FAT3: variants seen among roughly 807,000 people sequenced by gnomAD.
FAT3 encodes FAT atypical cadherin 3.
FAT3 carries 95 observed loss-of-function variants against 310.2 expected under a neutral mutation model. The observed-to-expected ratio is 0.31, with a 90% CI of 0.26 to 0.36. The LOEUF (loss-of-function observed/expected upper bound fraction) is 0.36. Ranked by LOEUF, FAT3 falls within the 10% of genes least tolerant of loss-of-function variation. The pLI, the probability that FAT3 is intolerant of heterozygous loss-of-function variation, is 1.00. For missense variants in FAT3, 5,408 were observed against 5,715.6 expected (o/e 0.95, Z 1.74); for synonymous variants, 2,314 against 2,192.9 (o/e 1.06, Z -1.54).
chr11:92,549,608 G>C (rs1010472189), intron 3 of FAT3, among the ~76,000 whole-genome samples: 2 of 152,104 alleles, frequency 1.3e-5, no homozygotes, highest in Middle Eastern at 3.4e-3. Flanking sequence ...CTTATATCTT[G>C]GTTTATCTTT....
chr11:92,743,549 G>A (rs111333019), intron 4 of FAT3, among the ~76,000 whole-genome samples: 38 of 152,306 alleles, frequency 2.5e-4, no homozygotes, highest in African/African-American at 9.1e-4. Flanking sequence ...CCCTATGCAG[G>A]GACACCTGGC....
At chr11:92,797,277 TA>T (rs1947201614) in intron 9 of FAT3, among the ~76,000 whole-genome samples, 1 of 152,204 alleles carries the variant, frequency 6.6e-6, no homozygotes, top group Non-Finnish European at 1.5e-5. Context: ...GTGTTTTGGA[TA>T]AAGTCATTTT....
chr11:92,871,193 G>A (rs372737829), intron 22 of FAT3, among the ~76,000 whole-genome samples: 17 of 152,272 alleles, frequency 1.1e-4, no homozygotes, highest in African/African-American at 3.9e-4. Flanking sequence ...GTGTGTAGTG[G>A]TATTGGTTTA....
intron 3 of FAT3, among the ~76,000 whole-genome samples, chr11:92,530,205 A>C (rs1046697581): frequency 6.6e-6 from 1 of 152,174 alleles, no homozygotes. Flanking sequence ...TCCAGACCAC[A>C]CTTCAACCTG....
At chr11:92,426,460 T>C (rs1950635852) in intron 2 of FAT3, among the ~76,000 whole-genome samples, 1 of 152,214 alleles carries the variant, frequency 6.6e-6, no homozygotes, top group Admixed American at 6.5e-5. Flanking sequence ...CATGCCTATG[T>C]CCTGAAAGGT....
intron 3 of FAT3, among the ~76,000 whole-genome samples, chr11:92,573,718 G>A (rs1003889643): frequency 6.6e-6 from 1 of 152,064 alleles, no homozygotes; most frequent in Admixed American, 6.6e-5. Context: ...AGAATTCCAA[G>A]GGTAGCCAGC....
chr11:92,846,974 T>C (rs1419549326), intron 19 of FAT3, among the ~76,000 whole-genome samples: 1 of 152,224 alleles, frequency 6.6e-6, no homozygotes, highest in African/African-American at 2.4e-5. Flanking sequence ...GTTTTATAGA[T>C]GTGGTAGCTT....
chr11:92,821,138 A>G (rs1947958511), intron 13 of FAT3, among the ~76,000 whole-genome samples: 1 of 152,164 alleles, frequency 6.6e-6, no homozygotes, highest in South Asian at 2.1e-4. Flanking sequence ...ATGCCATCCT[A>G]TTAGATCTTA....
At chr11:92,249,599 T>C (rs1865057335) in intron 1 of FAT3, among the ~76,000 whole-genome samples, 1 of 152,080 alleles carries the variant, frequency 6.6e-6, no homozygotes. Context: ...GTGCGTAGAC[T>C]TGAGAGTGCT....
At chr11:92,381,294 G>C (rs1393566667) in intron 2 of FAT3, among the ~76,000 whole-genome samples, 3 of 152,158 alleles carry the variant, frequency 2.0e-5, no homozygotes, top group African/African-American at 7.2e-5. Context: ...TGGATCACTT[G>C]AGGTCGGTCA....
chr11:92,273,205 T>C (rs1216468543), intron 1 of FAT3, among the ~76,000 whole-genome samples: 1 of 152,168 alleles, frequency 6.6e-6, no homozygotes. Context: ...TTATCTCATG[T>C]ATTTTATAAA....
In FAT3 at chr11:92,774,099, A is replaced by C; in HGVS notation, c.4254A>C (p.Ala1418=). ...AGGGTGTTGGGACAATTGTCATCGCAAAACCTTTGGATGCAGAGCAGAGGT... is the reference window on the plus strand; with the variant it reads ...AGGGTGTTGGGACAATTGTCATCGCCAAACCTTTGGATGCAGAGCAGAGGT... The part of the protein sequence containing the change: ...AEKGVGTIVI[A]KPLDAEQRSI... The change falls in exon 7 of 28, where the codon GCA becomes GCC. Residue 1418 remains alanine, a synonymous_variant. Coordinates refer to ENST00000525166, the MANE Select transcript of FAT3 (RefSeq NM_001367949.2). The C allele has an allele frequency of 6.2e-7, 1 of 1,613,800 alleles. No homozygotes were observed.
At chr11:92,391,129 G>A (rs181047376) in intron 2 of FAT3, among the ~76,000 whole-genome samples, 2 of 152,308 alleles carry the variant, frequency 1.3e-5, no homozygotes, top group Admixed American at 6.5e-5. Flanking sequence ...CTGAGAAGAG[G>A]TAGAAGTCAG....
intron 7 of FAT3, among the ~76,000 whole-genome samples, chr11:92,779,688 T>C (rs187689800): frequency 1.1e-3 from 165 of 152,318 alleles, no homozygotes; most frequent in Non-Finnish European, 6.9e-4. Flanking sequence ...GATTTGTGAA[T>C]ATGTTATGTT....
At position 92,805,716 on chromosome 11, in the gene FAT3, T is replaced by C. The variant is rs1001975556; in HGVS notation, c.9093+367T>C. On this transcript the variant is annotated intron_variant, in intron 11 of 27. Coordinates refer to ENST00000525166, the MANE Select transcript of FAT3 (RefSeq NM_001367949.2). ...GGATGTTAACTTGTTTATATAAGTT[T>C]ACACATTTGGTTAGTGGCAATGTTG... Among the ~76,000 whole-genome samples the C allele has an allele frequency of 2.6e-5, 4 of 152,346 alleles. No homozygotes were observed. In the South Asian group the frequency reaches 8.3e-4, roughly 32 times the overall value.
At chr11:92,848,232 A>T (rs1015579716) in intron 19 of FAT3, among the ~76,000 whole-genome samples, 2 of 152,180 alleles carry the variant, frequency 1.3e-5, no homozygotes, top group African/African-American at 2.4e-5. Flanking sequence ...AGTTGTTTTA[A>T]CAAAATGAAA....
At chr11:92,505,933 A>T (rs932734791) in intron 2 of FAT3, among the ~76,000 whole-genome samples, 1 of 152,066 alleles carries the variant, frequency 6.6e-6, no homozygotes, top group African/African-American at 2.4e-5. Context: ...GCCCTGGGGG[A>T]TATTACAGTC....
At chr11:92,686,642 A>G (rs1943641464) in intron 3 of FAT3, among the ~76,000 whole-genome samples, 2 of 152,230 alleles carry the variant, frequency 1.3e-5, no homozygotes, top group Non-Finnish European at 2.9e-5. Flanking sequence ...AAAAAGCATT[A>G]TCAGTCTTCT....
chr11:92,314,549 C>T (rs1366662720), intron 1 of FAT3, among the ~76,000 whole-genome samples: 2 of 152,128 alleles, frequency 1.3e-5, no homozygotes, highest in East Asian at 1.9e-4. Context: ...TTCTGATTCT[C>T]CTCAGGGTTC....
Sources: gnomAD v4.1 joint callset for allele counts (sites outside exome capture counted in the v4.1 genomes callset) on GRCh38, gnomAD v4.1.1 for gene constraint, MANE v1.5 for transcripts, NCBI Gene and HGNC (gene_info 2026-07-23, HGNC 2026-07-21) for gene names.